The following MYPN variants were observed in gnomAD, a reference collection of about 807,000 sequenced individuals.
MYPN encodes sarcomeric protein myopalladin, 145 kDa (MYOP).
Under a neutral mutation model 129.4 loss-of-function variants are expected in MYPN, and 63 were observed. That is an observed-to-expected ratio of 0.49 (90% CI 0.40 to 0.60). The LOEUF is 0.60. Ranked by LOEUF, MYPN falls within the 20% of genes least tolerant of loss-of-function variation. The pLI, the probability that MYPN is intolerant of heterozygous loss-of-function variation, is 0.00. For missense variants in MYPN, 1,596 were observed against 1,635.4 expected (o/e 0.98, Z 0.42); for synonymous variants, 629 against 600.9 (o/e 1.05, Z -0.68).
chr10:68,100,439 G>A (rs898762078), intron 1 of MYPN, among the ~76,000 whole-genome samples: 1 of 152,160 alleles, frequency 6.6e-6, no homozygotes, highest in African/African-American at 2.4e-5. Context: ...TCTGTGGCTT[G>A]AGTGGGATCC....
In MYPN at chr10:68,174,527, T is replaced by C. The variant is rs1131691857; in HGVS notation, c.2435T>C (p.Val812Ala). 6.2e-7 allele frequency: 1 copy of C among 1,614,102 alleles called. No individual in the cohort carries two copies. Among genetic ancestry groups the C allele is most frequent in the Non-Finnish European group, 8.5e-7 (1 of 1,179,966 alleles). The change falls in exon 11 of 20, where the codon GTG becomes GCG. Residue 812 changes from valine to alanine, a missense_variant. Val to Ala is a moderately conservative substitution (Grantham distance 64). Coordinates refer to ENST00000358913, the MANE Select transcript of MYPN (RefSeq NM_032578.4). ...GGAAACCAGTTTCAGCCCCGCTGTG[T>C]GTCCCCAATTCCTGTCTCTCCTACC... is the stretch of plus-strand genomic sequence containing the variant. Reference protein sequence around the residue: ...PSGNQFQPRCVSPIPVSPTSR... With the variant: ...PSGNQFQPRCASPIPVSPTSR...
chr10:68,165,781 CG>C lies in MYPN; in HGVS notation c.1565del (p.Gly522AlafsTer11). On this transcript the variant is annotated frameshift_variant, in exon 9 of 20. Transcript: ENST00000358913. LOFTEE classifies it high-confidence loss of function. Reference sequence around the variant, plus strand: ...TCACATGTACTGCAAGCAACAAATACGGCACAGTGTCAAGCATTGCACAGCT... The same window carrying C: ...TCACATGTACTGCAAGCAACAAATACGCACAGTGTCAAGCATTGCACAGCT... ...CFTCTASNKY[G>X]TVSSIAQLHV... is the part of the protein sequence containing the mutation. The C allele has an allele frequency of 1.9e-6, 3 of 1,614,106 alleles. No homozygotes were observed. Among genetic ancestry groups the C allele is most frequent in the Non-Finnish European group, 2.5e-6 (3 of 1,179,978 alleles).
At chr10:68,093,453 A>G (rs549331025) in intron 1 of MYPN, among the ~76,000 whole-genome samples, 6 of 152,020 alleles carry the variant, frequency 3.9e-5, no homozygotes, top group African/African-American at 1.4e-4. Context: ...AAAGTAAAGG[A>G]ATAGGCCGAG....
rs2043917862 is a variant in MYPN, at chr10:68,211,628, A to G, written c.*1173A>G. The G allele has an allele frequency of 2.2e-6, 1 of 454,160 alleles. No individual in the cohort carries two copies. The highest frequency in any genetic ancestry group is 4.4e-6 in the Non-Finnish European group (1 of 226,800). The allele number at this position is 454,160 out of a possible 1,614,324, so 28.1% of individuals were successfully genotyped here. A position where few individuals can be genotyped will look rare whatever the true frequency, so the allele number is the denominator to read the frequency against. On this transcript the variant is annotated 3_prime_UTR_variant, in exon 20 of 20. Transcript: ENST00000358913. The stretch of plus-strand genomic sequence containing the variant: ...TTAAGGAATTTTTAGACTTAAGTTC[A>G]CTGTGATATCCCTAGTACCTAGAAG...
chr10:68,190,031 T>C (rs574797793), intron 13 of MYPN, among the ~76,000 whole-genome samples: 5 of 100,500 alleles, frequency 5.0e-5, no homozygotes, highest in East Asian at 4.8e-4. Flanking sequence ...CTCACCAGCA[T>C]TTTTTTTTGT....
chr10:68,175,698 T>C (rs1034162457), intron 12 of MYPN, among the ~76,000 whole-genome samples: 2 of 152,098 alleles, frequency 1.3e-5, no homozygotes, highest in Non-Finnish European at 2.9e-5. Flanking sequence ...CAGAATAGGA[T>C]ATATTAAAGA....
intron 18 of MYPN, 126 bp downstream of exon 18, chr10:68,202,120 A>AATG (rs2043726728): frequency 1.7e-6 from 2 of 1,180,284 alleles, no homozygotes; most frequent in African/African-American, 1.5e-5. Context: ...CGTTTCATTG[A>AATG]TATTATTGTG....
At position 68,210,477 on chromosome 10, in the gene MYPN, G is replaced by A. The variant is rs746080654; in HGVS notation, c.*22G>A. 3.1e-6 allele frequency: 5 copies of A among 1,613,422 alleles called. No homozygotes were observed. Among genetic ancestry groups the A allele is most frequent in the Admixed American group, 1.7e-5 (1 of 60,002 alleles). ...TTAAGAATGTCTAGGTACCTGCTGTGTAAGAGAGCGGACTGTGGAGGGGGA... is the reference window on the plus strand; with the variant it reads ...TTAAGAATGTCTAGGTACCTGCTGTATAAGAGAGCGGACTGTGGAGGGGGA... On this transcript the variant is annotated 3_prime_UTR_variant, in exon 20 of 20. Transcript: ENST00000358913.
rs2043889024 is a variant in MYPN at position 68,210,321 on chromosome 10, G to A, written c.3829G>A (p.Val1277Ile). 12 of 1,613,952 alleles carry A rather than the reference G, an allele frequency of 7.4e-6. No individual in the cohort carries two copies. The highest frequency in any genetic ancestry group is 1.0e-5 in the Non-Finnish European group (12 of 1,180,032). The change falls in exon 20 of 20, where the codon GTC becomes ATC. Residue 1277 changes from valine (V) to isoleucine (I), a missense_variant. Transcript: ENST00000358913. ...CCATCAGATCCCACCGCCCATGTCT[G>A]TCCGGCCCAGTGGCAGTCGCTACGG... Reference protein sequence around the residue: ...WHHQIPPPMSVRPSGSRYGSL... With the variant: ...WHHQIPPPMSIRPSGSRYGSL...
In MYPN at chr10:68,197,400, C is replaced by CT; in HGVS notation, c.3212dup (p.Arg1072ProfsTer15). On this transcript the variant is annotated frameshift_variant, in exon 16 of 20. Transcript: ENST00000358913. LOFTEE classifies it high-confidence loss of function. ...GAGACAAAGAGCCCCTACAGGAACG[C>CT]TTTTTCCGACCACATTTCCTGCAGG... 1 of 1,613,986 alleles carries CT rather than the reference C, an allele frequency of 6.2e-7. No homozygotes were observed. Among genetic ancestry groups the CT allele is most frequent in the Non-Finnish European group, 8.5e-7 (1 of 1,179,934 alleles).
chr10:68,176,134 C>A (rs2043224201), intron 12 of MYPN, among the ~76,000 whole-genome samples: 1 of 152,142 alleles, frequency 6.6e-6, no homozygotes, highest in Non-Finnish European at 1.5e-5. Context: ...ACCTCTCAAT[C>A]CTTATATTAG....
chr10:68,144,017 AG>A (rs202067735), intron 3 of MYPN, among the ~76,000 whole-genome samples: 7,363 of 152,190 alleles, frequency 0.048, 243 homozygotes, highest in South Asian at 0.11. Flanking sequence ...GGCCTCCCAA[AG>A]TGCTGGGATT....
At chr10:68,198,010 A>G (rs950709560) in intron 16 of MYPN, among the ~76,000 whole-genome samples, 5 of 152,196 alleles carry the variant, frequency 3.3e-5, no homozygotes, top group Non-Finnish European at 5.9e-5. Flanking sequence ...ACAATTGAAA[A>G]CTTAGAAACT....
chr10:68,189,657 C>T (rs1041334972), intron 13 of MYPN, among the ~76,000 whole-genome samples: 6 of 152,222 alleles, frequency 3.9e-5, no homozygotes, highest in Non-Finnish European at 7.3e-5. Flanking sequence ...AACATAACGA[C>T]TTCCAGTTCC....
At chr10:68,119,887 T>C (rs1191298866) in intron 1 of MYPN, among the ~76,000 whole-genome samples, 1 of 152,132 alleles carries the variant, frequency 6.6e-6, no homozygotes, top group Non-Finnish European at 1.5e-5. Context: ...CTTTGCCAAA[T>C]CAGAGGTTAG....
At chr10:68,106,319 G>T, upstream of MYPN, 4 of 359,908 alleles carry the variant, frequency 1.1e-5, no homozygotes, top group Non-Finnish European at 1.6e-5. Context: ...AGTTTTCCCA[G>T]GCAAGCATTT....
At chr10:68,196,897 G>A (rs2043616785) in intron 15 of MYPN, among the ~76,000 whole-genome samples, 1 of 152,068 alleles carries the variant, frequency 6.6e-6, no homozygotes. Context: ...TTAATGGTCT[G>A]CCATAATTTA....
chr10:68,111,180 T>C (rs1262937647), intron 1 of MYPN, among the ~76,000 whole-genome samples: 1 of 152,206 alleles, frequency 6.6e-6, no homozygotes, highest in Non-Finnish European at 1.5e-5. Context: ...TTGGAATTCA[T>C]AGTGGTAGTT....
chr10:68,115,329 C>A (rs77146400), intron 1 of MYPN, among the ~76,000 whole-genome samples: 2 of 150,864 alleles, frequency 1.3e-5, no homozygotes, highest in Non-Finnish European at 1.5e-5. Context: ...AGAGAACTTA[C>A]GATTTTCTTT....
Sources: allele counts gnomAD v4.1 joint callset (sites outside exome capture counted in the v4.1 genomes callset), GRCh38; gene constraint gnomAD v4.1.1; transcripts MANE v1.5; gene names NCBI Gene and HGNC (gene_info 2026-07-23, HGNC 2026-07-21).